ST3GAL4: variants seen among roughly 807,000 people sequenced by gnomAD.
ST3GAL4 encodes the protein ST3 beta-galactoside alpha-2,3-sialyltransferase 4.
In ST3GAL4, 24 loss-of-function variants were observed where a neutral mutation model predicts 42.6. The observed-to-expected ratio is 0.56, with a 90% CI of 0.41 to 0.79. The LOEUF is 0.79. Ranked by LOEUF, ST3GAL4 falls within the 30% of genes least tolerant of loss-of-function variation. The pLI, the probability that ST3GAL4 is intolerant of heterozygous loss-of-function variation, is 0.00. For missense variants in ST3GAL4, 311 were observed against 430.8 expected (o/e 0.72, Z 2.46); for synonymous variants, 135 against 163.2 (o/e 0.83, Z 1.32).
intron 1 of ST3GAL4, among the ~76,000 whole-genome samples, chr11:126,372,419 T>TTTTC (rs201031610): frequency 7.8e-6 from 1 of 128,720 alleles, no homozygotes; most frequent in Non-Finnish European, 1.7e-5. Context: ...TTTTCTTTTC[T>TTTTC]TTTTTTTTTT....
intron 1 of ST3GAL4, among the ~76,000 whole-genome samples, chr11:126,367,518 G>T (rs1300434663): frequency 6.6e-6 from 1 of 152,222 alleles, no homozygotes. Flanking sequence ...AGGACCAGGT[G>T]TCGCTGGTAC....
At position 126,392,216 on chromosome 11, in the gene ST3GAL4, C is replaced by G. The variant is rs935515517; in HGVS notation, c.-60-13880C>G. Reference sequence around the variant, plus strand: ...GTCCTGGGGTTTCATCTCAGGTTGACCCCCGTTAGGAGGAAGTAAGTAGGA... The same window carrying G: ...GTCCTGGGGTTTCATCTCAGGTTGAGCCCCGTTAGGAGGAAGTAAGTAGGA... On this transcript the variant is annotated intron_variant, in intron 1 of 10. Coordinates refer to ENST00000444328, the MANE Select transcript of ST3GAL4 (RefSeq NM_001254757.2). The surrounding 1 kb of genome is among the most constrained non-coding windows in gnomAD (Gnocchi z 5.8). 1 of 701,472 alleles carries G rather than the reference C, an allele frequency of 1.4e-6. No homozygotes were observed. Among genetic ancestry groups the G allele is most frequent in the Non-Finnish European group, 1.8e-6 (1 of 570,662 alleles). The allele number at this position is 701,472 out of a possible 1,614,324, so 43.5% of individuals were successfully genotyped here.
Position 126,396,046 on chromosome 11 carries a change from T to G in ST3GAL4, c.-60-10050T>G, listed in dbSNP as rs1390562675. ...AGATGACCGGTCTGTTCTTGGCACT[T>G]GCAATTAGCGGACCGTCTGTATCCG... On this transcript the variant is annotated intron_variant, in intron 1 of 10. Transcript: ENST00000444328. The surrounding 1 kb of genome is among the most constrained non-coding windows in gnomAD (Gnocchi z 5.8). 6.6e-6 allele frequency among the ~76,000 whole-genome samples: 1 copy of G among 152,004 alleles called. No homozygotes were observed. Among genetic ancestry groups the G allele is most frequent in the Non-Finnish European group, 1.5e-5 (1 of 68,012 alleles).
At chr11:126,399,864 A>G (rs1193201105) in intron 1 of ST3GAL4, among the ~76,000 whole-genome samples, 3 of 152,176 alleles carry the variant, frequency 2.0e-5, no homozygotes, top group Admixed American at 1.3e-4. Flanking sequence ...CTTCAGATAT[A>G]TCTGAGACCT....
chr11:126,408,991 G>T (rs1332065028), intron 8 of ST3GAL4, among the ~76,000 whole-genome samples: 1 of 152,208 alleles, frequency 6.6e-6, no homozygotes, highest in Non-Finnish European at 1.5e-5. Flanking sequence ...TTCTACCTGT[G>T]TGGATGTTCT....
rs924355114 is a variant in ST3GAL4, at chr11:126,400,457, G to C, written c.-60-5639G>C. Among the ~76,000 whole-genome samples the C allele has an allele frequency of 6.6e-6, 1 of 152,204 alleles. No individual in the cohort carries two copies. Among genetic ancestry groups the C allele is most frequent in the Non-Finnish European group, 1.5e-5 (1 of 68,042 alleles). ...GGGCAACACATTCAAACCATAGCAG[G>C]CACCTTAATAAAGGTGGAAAAGGGA... is the stretch of plus-strand genomic sequence containing the variant. On this transcript the variant is annotated intron_variant, in intron 1 of 10. Transcript: ENST00000444328. This position sits in a 1 kb window ranked among gnomAD's most constrained non-coding sequence, Gnocchi z 4.6.
intron 1 of ST3GAL4, among the ~76,000 whole-genome samples, chr11:126,375,293 CT>C (rs1306229366): frequency 2.6e-5 from 4 of 152,334 alleles, no homozygotes; most frequent in African/African-American, 9.6e-5. Flanking sequence ...GAGACTGTGT[CT>C]CGTGCGGAAG....
rs1954260771 is a variant in ST3GAL4, at chr11:126,406,935, C to T, written c.102-8C>T. 1 of 1,613,360 alleles carries T rather than the reference C, an allele frequency of 6.2e-7. No homozygotes were observed. Among genetic ancestry groups the T allele is most frequent in the East Asian group, 2.2e-5 (1 of 44,878 alleles). ...GGGCTTCTGCCTCCTGTCCTTTTTT[C>T]TCTCCAGTTTTTATTTTCCCATCCC... On this transcript the variant is annotated splice_polypyrimidine_tract_variant and splice_region_variant and intron_variant, in intron 3 of 10. Transcript: ENST00000444328. The surrounding 1 kb of genome is among the most constrained non-coding windows in gnomAD (Gnocchi z 5.4).
rs2298475 is a variant in ST3GAL4 at position 126,408,308 on chromosome 11, T to C, written c.439T>C (p.Leu147=). 126,927 of 1,613,794 alleles carry C rather than the reference T, an allele frequency of 0.079. 5,939 individuals are homozygous for C. The highest frequency in any genetic ancestry group is 0.22 in the East Asian group (9,802 of 44,846). The part of the protein sequence containing the change: ...AINKYDVVIR[L]NNAPVAGYEG... The stretch of plus-strand genomic sequence containing the variant: ...GGGAATCCTCCTCCCAACCCCCAGA[T>C]TGAACAATGCCCCAGTGGCTGGCTA... The change falls in exon 8 of 11, where the codon TTG becomes CTG. Residue 147 remains leucine, a splice_region_variant and synonymous_variant. Transcript: ENST00000444328.
intron 1 of ST3GAL4, among the ~76,000 whole-genome samples, chr11:126,370,251 A>G (rs1952592060): frequency 6.6e-6 from 1 of 152,162 alleles, no homozygotes; most frequent in Non-Finnish European, 1.5e-5. Context: ...TCCAGCATAC[A>G]TCTGTGAGAG....
At chr11:126,367,715 T>C (rs1010847272) in intron 1 of ST3GAL4, among the ~76,000 whole-genome samples, 4 of 152,094 alleles carry the variant, frequency 2.6e-5, no homozygotes, top group African/African-American at 9.7e-5. Flanking sequence ...TCTGGCTGAA[T>C]TTTAAATCCT....
At position 126,396,995 on chromosome 11, in the gene ST3GAL4, A is replaced by G. The variant is rs187420347; in HGVS notation, c.-60-9101A>G. Among the ~76,000 whole-genome samples, 33 of 152,230 alleles carry G rather than the reference A, an allele frequency of 2.2e-4. 1 individual carries two copies. In the East Asian group the frequency reaches 6.0e-3, roughly 28 times the overall value. Reference sequence around the variant, plus strand: ...GAGGGATTTCCTACTGGTGTCTAGTAGGTAGAGGCCAGAGATGGCTGCTAA... The same window carrying G: ...GAGGGATTTCCTACTGGTGTCTAGTGGGTAGAGGCCAGAGATGGCTGCTAA... On this transcript the variant is annotated intron_variant, in intron 1 of 10. Transcript: ENST00000444328. This position sits in a 1 kb window ranked among gnomAD's most constrained non-coding sequence, Gnocchi z 5.8.
Position 126,400,562 on chromosome 11 carries a change from C to T in ST3GAL4, c.-60-5534C>T, listed in dbSNP as rs570943259. Among the ~76,000 whole-genome samples the T allele has an allele frequency of 1.3e-5, 2 of 152,316 alleles. No individual in the cohort carries two copies. Among genetic ancestry groups the T allele is most frequent in the East Asian group, 3.9e-4 (2 of 5,190 alleles). On this transcript the variant is annotated intron_variant, in intron 1 of 10. Coordinates refer to ENST00000444328, the MANE Select transcript of ST3GAL4 (RefSeq NM_001254757.2). The surrounding 1 kb of genome is among the most constrained non-coding windows in gnomAD (Gnocchi z 4.6). ...GGGTAAGAGATGCGTTTGCAGTTCT[C>T]ATGGCCGCAGACTGAAGGGGCCTGG...
chr11:126,391,346 G>A lies in ST3GAL4; in HGVS notation c.-60-14750G>A, dbSNP rs2135483157. Among the ~76,000 whole-genome samples the A allele has an allele frequency of 6.6e-6, 1 of 151,998 alleles. No homozygotes were observed. Among genetic ancestry groups the A allele is most frequent in the Non-Finnish European group, 1.5e-5 (1 of 67,982 alleles). On this transcript the variant is annotated intron_variant, in intron 1 of 10. Transcript: ENST00000444328. This position sits in a 1 kb window ranked among gnomAD's most constrained non-coding sequence, Gnocchi z 5.5. ...ATGCATTATGCCTGACTTGCTCAAA[G>A]CATGATGTCTTGAGCACTTAGCAAC...
At chr11:126,399,020 A>G (rs1219132099) in intron 1 of ST3GAL4, among the ~76,000 whole-genome samples, 6 of 152,308 alleles carry the variant, frequency 3.9e-5, no homozygotes, top group Middle Eastern at 3.4e-3. Context: ...TCATCTCTGC[A>G]GTACCTTTGG....
In ST3GAL4 at chr11:126,391,005, T is replaced by A. The variant is rs1953491740; in HGVS notation, c.-60-15091T>A. Among the ~76,000 whole-genome samples, 1 of 152,234 alleles carries A rather than the reference T, an allele frequency of 6.6e-6. No homozygotes were observed. The highest frequency in any genetic ancestry group is 1.5e-5 in the Non-Finnish European group (1 of 68,034). On this transcript the variant is annotated intron_variant, in intron 1 of 10. Coordinates refer to ENST00000444328, the MANE Select transcript of ST3GAL4 (RefSeq NM_001254757.2). This position sits in a 1 kb window ranked among gnomAD's most constrained non-coding sequence, Gnocchi z 5.5. ...TACCTTCAAGGTTGATCCATACTGGTAGCAGAATTTCCTTTCTTTTTCAGG... is the reference window on the plus strand; with the variant it reads ...TACCTTCAAGGTTGATCCATACTGGAAGCAGAATTTCCTTTCTTTTTCAGG...
At chr11:126,412,075 G>A (rs932825290) in intron 9 of ST3GAL4, among the ~76,000 whole-genome samples, 1 of 152,192 alleles carries the variant, frequency 6.6e-6, no homozygotes, top group African/African-American at 2.4e-5. Flanking sequence ...ACCAATTCTG[G>A]GTTTCTAGCT....
intron 1 of ST3GAL4, among the ~76,000 whole-genome samples, chr11:126,371,769 G>A (rs1952658710): frequency 6.6e-6 from 1 of 152,212 alleles, no homozygotes; most frequent in Non-Finnish European, 1.5e-5. Flanking sequence ...TACAAGGGAG[G>A]GTTACTCGGG....
In ST3GAL4 at chr11:126,396,357, G is replaced by T. The variant is rs1026572621; in HGVS notation, c.-60-9739G>T. ...AGGAGTCCGCAGCCCGGGAGACCTG[G>T]CCTACAGCGGAGAGAGTCAGTCCAT... On this transcript the variant is annotated intron_variant, in intron 1 of 10. Transcript: ENST00000444328. The surrounding 1 kb of genome is among the most constrained non-coding windows in gnomAD (Gnocchi z 5.8). 3.9e-5 allele frequency among the ~76,000 whole-genome samples: 6 copies of T among 152,078 alleles called. No homozygotes were observed. The highest frequency in any genetic ancestry group is 7.3e-5 in the Non-Finnish European group (5 of 68,038).
Sources: allele counts gnomAD v4.1 joint callset (sites outside exome capture counted in the v4.1 genomes callset), GRCh38; gene constraint gnomAD v4.1.1; non-coding constraint Gnocchi (gnomAD v3.1); transcripts MANE v1.5; gene names NCBI Gene and HGNC (gene_info 2026-07-23, HGNC 2026-07-21).